Variants in DNER observed in about 807,000 individuals in gnomAD.
The protein encoded by DNER is delta/notch like EGF repeat containing.
A neutral mutation model predicts 78.2 loss-of-function variants in DNER; 33 were observed. The ratio of observed to expected loss-of-function variants is 0.42; its 90% CI spans 0.32 to 0.56. DNER has a LOEUF of 0.56. Ranked by LOEUF, DNER falls within the 20% of genes least tolerant of loss-of-function variation. The pLI, the probability that DNER is intolerant of heterozygous loss-of-function variation, is 0.11. For synonymous variants in DNER, 417 were observed against 384.8 expected (o/e 1.08, Z -0.98); for missense variants, 918 against 975.3 (o/e 0.94, Z 0.78).
intron 5 of DNER, among the ~76,000 whole-genome samples, chr2:229,531,316 C>T (rs1165395454): frequency 2.0e-5 from 3 of 152,154 alleles, no homozygotes; most frequent in African/African-American, 4.8e-5. Context: ...CTGCTTCATG[C>T]ACAAACAGCA....
At chr2:229,526,916 C>T (rs1696222159) in intron 5 of DNER, among the ~76,000 whole-genome samples, 1 of 152,180 alleles carries the variant, frequency 6.6e-6, no homozygotes, top group Admixed American at 6.5e-5. Flanking sequence ...TAAGTGACGT[C>T]CTCATTCACG....
chr2:229,389,025 C>T (rs73098237), intron 10 of DNER, among the ~76,000 whole-genome samples: 4,462 of 152,000 alleles, frequency 0.029, 96 homozygotes, highest in African/African-American at 0.059. Flanking sequence ...CTGCTTGAAG[C>T]TGGGGGACCT....
chr2:229,504,156 A>C (rs531026328), intron 6 of DNER, among the ~76,000 whole-genome samples: 1 of 152,310 alleles, frequency 6.6e-6, no homozygotes, highest in East Asian at 1.9e-4. Flanking sequence ...AGTCACATAT[A>C]TATATCGATG....
At chr2:229,513,365 C>T (rs1481665604) in intron 5 of DNER, among the ~76,000 whole-genome samples, 1 of 152,198 alleles carries the variant, frequency 6.6e-6, no homozygotes, top group African/African-American at 2.4e-5. Context: ...ATGTCCAACC[C>T]AGACCGTCCT....
chr2:229,371,090 T>C (rs1279657180), intron 11 of DNER, among the ~76,000 whole-genome samples: 2 of 152,214 alleles, frequency 1.3e-5, no homozygotes, highest in African/African-American at 4.8e-5. Context: ...TGCTTTCCTC[T>C]CTCCCCCTGC....
intron 2 of DNER, among the ~76,000 whole-genome samples, chr2:229,589,591 A>T (rs1053182257): frequency 6.6e-6 from 1 of 152,218 alleles, no homozygotes; most frequent in Non-Finnish European, 1.5e-5. Flanking sequence ...CCTAAGAAAT[A>T]ATCCATGATA....
chr2:229,446,488 G>A (rs1486749821), intron 8 of DNER, among the ~76,000 whole-genome samples: 1 of 152,218 alleles, frequency 6.6e-6, no homozygotes, highest in African/African-American at 2.4e-5. Context: ...AGCAAAGCCA[G>A]GGTCAAGCCA....
chr2:229,366,774 TCTC>T lies in DNER; in HGVS notation c.2102+96_2102+98del. 3.3e-6 allele frequency: 5 copies of T among 1,532,584 alleles called. No homozygotes were observed. In the East Asian group the frequency reaches 9.1e-5, roughly 28 times the overall value. 94.9% of individuals were successfully genotyped at this position (1,532,584 alleles called of 1,614,324 possible). On this transcript the variant is annotated intron_variant, in intron 12 of 12. Coordinates refer to ENST00000341772, the MANE Select transcript of DNER (RefSeq NM_139072.4). ...GGAACCTATTTTCCATTCTTTAAAATCTCCTCTTTGCAAATGGAAAGTCCTGTG... is the reference window on the plus strand; with the variant it reads ...GGAACCTATTTTCCATTCTTTAAAATCTCTTTGCAAATGGAAAGTCCTGTG...
chr2:229,363,143 A>T (rs993000801), intron 12 of DNER, among the ~76,000 whole-genome samples: 1 of 152,190 alleles, frequency 6.6e-6, no homozygotes, highest in African/African-American at 2.4e-5. Context: ...AAGCAAAGCA[A>T]GCATGTTGCA....
chr2:229,367,704 A>G (rs1489265015), intron 11 of DNER, among the ~76,000 whole-genome samples: 1 of 152,238 alleles, frequency 6.6e-6, no homozygotes, highest in Admixed American at 6.5e-5. Context: ...CAGAATTACA[A>G]AAAAGTACAA....
chr2:229,463,620 T>TC, intron 7 of DNER, among the ~76,000 whole-genome samples: 1 of 151,798 alleles, frequency 6.6e-6, no homozygotes, highest in African/African-American at 2.4e-5. Flanking sequence ...TCAATTTTTT[T>TC]ATGGAAATGT....
chr2:229,701,543 TA>T (rs1231965603), intron 1 of DNER, among the ~76,000 whole-genome samples: 2 of 152,258 alleles, frequency 1.3e-5, no homozygotes, highest in Non-Finnish European at 2.9e-5. Flanking sequence ...GGTCCCTGGC[TA>T]GCTCCTGGTC....
intron 1 of DNER, among the ~76,000 whole-genome samples, chr2:229,619,064 G>T (rs142896241): frequency 6.6e-6 from 1 of 152,064 alleles, no homozygotes; most frequent in East Asian, 1.9e-4. Context: ...GCTGAAGATC[G>T]CTTGAGCCAA....
At chr2:229,486,443 A>G (rs1695275723) in intron 6 of DNER, among the ~76,000 whole-genome samples, 1 of 152,198 alleles carries the variant, frequency 6.6e-6, no homozygotes, top group Admixed American at 6.5e-5. Context: ...AAAAGTAACC[A>G]CATCTAACAA....
At chr2:229,436,901 ATAAC>A (rs1469094669) in intron 8 of DNER, among the ~76,000 whole-genome samples, 4 of 152,230 alleles carry the variant, frequency 2.6e-5, no homozygotes, top group African/African-American at 9.6e-5. Context: ...AGTCTGCACA[ATAAC>A]CAACTAAAAA....
At chr2:229,531,437 G>A (rs1696299813) in intron 5 of DNER, among the ~76,000 whole-genome samples, 1 of 151,958 alleles carries the variant, frequency 6.6e-6, no homozygotes, top group Admixed American at 6.6e-5. Flanking sequence ...TTGATCATTA[G>A]AAAAATGCAA....
At chr2:229,559,612 T>C (rs1240722969) in intron 4 of DNER, among the ~76,000 whole-genome samples, 2 of 151,378 alleles carry the variant, frequency 1.3e-5, no homozygotes, top group Non-Finnish European at 2.9e-5. Context: ...ATTTAGATGC[T>C]GGAGAAAAAA....
intron 1 of DNER, among the ~76,000 whole-genome samples, chr2:229,634,600 T>C (rs896121251): frequency 3.9e-5 from 6 of 152,220 alleles, no homozygotes; most frequent in Non-Finnish European, 7.3e-5. Context: ...TTTGAACTTA[T>C]AATGTAAGGC....
At chr2:229,375,534 G>A (rs1208883940) in intron 11 of DNER, among the ~76,000 whole-genome samples, 1 of 152,146 alleles carries the variant, frequency 6.6e-6, no homozygotes, top group Non-Finnish European at 1.5e-5. Context: ...TGTACTAAAG[G>A]TAATTATGGA....
Sources: gnomAD v4.1 joint callset for allele counts (sites outside exome capture counted in the v4.1 genomes callset) on GRCh38, gnomAD v4.1.1 for gene constraint, MANE v1.5 for transcripts, NCBI Gene and HGNC (gene_info 2026-07-23, HGNC 2026-07-21) for gene names.